Variants in PPP2R2B observed in about 807,000 individuals in gnomAD.
PPP2R2B encodes protein phosphatase 2 regulatory subunit Bbeta.
A neutral mutation model predicts 46.0 loss-of-function variants in PPP2R2B; 5 were observed. That is an observed-to-expected ratio of 0.11 (90% CI 0.06 to 0.23). The LOEUF (loss-of-function observed/expected upper bound fraction) is 0.23, where lower values mean the gene tolerates loss of function less well. Among genes scored for constraint, PPP2R2B ranks in the 10% least tolerant of loss-of-function variants. PPP2R2B has a pLI of 1.00. For missense variants in PPP2R2B, 367 were observed against 575.0 expected (o/e 0.64, Z 3.70); for synonymous variants, 215 against 206.7 (o/e 1.04, Z -0.34).
intron 1 of PPP2R2B, among the ~76,000 whole-genome samples, chr5:147,043,072 A>G (rs1756389444): frequency 6.6e-6 from 1 of 152,108 alleles, no homozygotes; most frequent in Non-Finnish European, 1.5e-5. Context: ...TTGTGGAACA[A>G]TGATTTGCAG....
At chr5:147,046,021 C>T (rs1043030821) in intron 1 of PPP2R2B, among the ~76,000 whole-genome samples, 11 of 152,094 alleles carry the variant, frequency 7.2e-5, no homozygotes, top group African/African-American at 2.4e-4. Context: ...ATGTCATATC[C>T]TCTCCACTGC....
intron 2 of PPP2R2B, among the ~76,000 whole-genome samples, chr5:146,842,717 C>G (rs1759739404): frequency 6.6e-6 from 1 of 152,102 alleles, no homozygotes; most frequent in South Asian, 2.1e-4. Flanking sequence ...ATTTAGCTCC[C>G]ACTTATAAGT....
chr5:147,054,934 A>G (rs867218080), intron 1 of PPP2R2B, among the ~76,000 whole-genome samples: 10 of 152,356 alleles, frequency 6.6e-5, no homozygotes, highest in African/African-American at 2.4e-4. Context: ...GAAATGTGGA[A>G]TTCTGCAGTG....
intron 2 of PPP2R2B, among the ~76,000 whole-genome samples, chr5:146,859,692 A>C (rs962673778): frequency 6.6e-6 from 1 of 152,242 alleles, no homozygotes; most frequent in African/African-American, 2.4e-5. Context: ...AAATAGCCTG[A>C]GAAACCTTTC....
In PPP2R2B at chr5:146,650,599, A is replaced by G; in HGVS notation, c.573T>C (p.Ala191=). The change falls in exon 6 of 10, where the codon GCT becomes GCC. Residue 191 remains alanine, a synonymous_variant. Transcript: ENST00000394411. ...TCCATAGGTTAATCCTCAGGTCATC[A>G]GCGGACATGTAGGTTTCATAGTCGC... The part of the protein sequence containing the change: ...VNSDYETYMS[A]DDLRINLWNF... The G allele has an allele frequency of 6.2e-7, 1 of 1,614,058 alleles. No homozygotes were observed. Among genetic ancestry groups the G allele is most frequent in the South Asian group, 1.1e-5 (1 of 91,072 alleles).
At chr5:146,842,544 GAAA>G in intron 2 of PPP2R2B, among the ~76,000 whole-genome samples, 1 of 138,504 alleles carries the variant, frequency 7.2e-6, no homozygotes, top group South Asian at 2.3e-4. Context: ...TTTTTACATA[GAAA>G]AACATGTGCC....
intron 2 of PPP2R2B, among the ~76,000 whole-genome samples, chr5:146,730,273 C>T (rs890989985): frequency 6.6e-6 from 1 of 152,170 alleles, no homozygotes; most frequent in Admixed American, 6.5e-5. Flanking sequence ...TTATCCAATA[C>T]CTGTACCCCC....
At chr5:146,972,897 C>T (rs1561549307) in intron 1 of PPP2R2B, among the ~76,000 whole-genome samples, 1 of 152,072 alleles carries the variant, frequency 6.6e-6, no homozygotes, top group Non-Finnish European at 1.5e-5. Flanking sequence ...TAAGCCTTTT[C>T]TCTGTAATGC....
intron 2 of PPP2R2B, among the ~76,000 whole-genome samples, chr5:146,797,289 T>C (rs1344810961): frequency 6.6e-6 from 1 of 152,206 alleles, no homozygotes; most frequent in African/African-American, 2.4e-5. Context: ...AAAAAATCCA[T>C]GCCACTATTG....
chr5:147,018,550 C>T (rs891132646), intron 1 of PPP2R2B, among the ~76,000 whole-genome samples: 2 of 152,164 alleles, frequency 1.3e-5, no homozygotes, highest in East Asian at 1.9e-4. Context: ...TTTCTAAGGT[C>T]CTTTCTGAAT....
At chr5:146,804,529 C>T (rs1582142561) in intron 2 of PPP2R2B, among the ~76,000 whole-genome samples, 1 of 152,260 alleles carries the variant, frequency 6.6e-6, no homozygotes, top group South Asian at 2.1e-4. Context: ...ACATAAACAC[C>T]TTGAGAGCCA....
At chr5:146,782,061 A>C (rs1755564246) in intron 2 of PPP2R2B, among the ~76,000 whole-genome samples, 1 of 151,914 alleles carries the variant, frequency 6.6e-6, no homozygotes, top group African/African-American at 2.4e-5. Context: ...CACCTCCCCC[A>C]CCCATGCTCC....
intron 2 of PPP2R2B, among the ~76,000 whole-genome samples, chr5:146,854,204 A>G (rs1007541099): frequency 6.6e-6 from 1 of 152,192 alleles, no homozygotes; most frequent in Non-Finnish European, 1.5e-5. Context: ...AATGGATTTT[A>G]GAAAATCAGA....
chr5:146,885,219 T>C (rs974794617), intron 1 of PPP2R2B, among the ~76,000 whole-genome samples: 15 of 152,334 alleles, frequency 9.8e-5, no homozygotes, highest in Non-Finnish European at 1.9e-4. Flanking sequence ...TCCATTTTAC[T>C]GAGGCTAATA....
chr5:146,829,492 C>G (rs554699398), intron 2 of PPP2R2B, among the ~76,000 whole-genome samples: 1 of 152,224 alleles, frequency 6.6e-6, no homozygotes, highest in African/African-American at 2.4e-5. Flanking sequence ...TCTTCTGAAG[C>G]CAAGCACAGC....
chr5:146,626,289 G>T (rs896492688), intron 7 of PPP2R2B, among the ~76,000 whole-genome samples: 1 of 152,166 alleles, frequency 6.6e-6, no homozygotes, highest in Non-Finnish European at 1.5e-5. Context: ...AAAACGGGCT[G>T]TTGGAAGATC....
At chr5:146,644,563 T>A (rs974097) in intron 6 of PPP2R2B, among the ~76,000 whole-genome samples, 2 of 152,048 alleles carry the variant, frequency 1.3e-5, no homozygotes, top group African/African-American at 4.8e-5. Flanking sequence ...GAACCTCATC[T>A]CGATGGGTAA....
At chr5:146,886,866 T>C (rs1032426029) in intron 1 of PPP2R2B, among the ~76,000 whole-genome samples, 3 of 151,764 alleles carry the variant, frequency 2.0e-5, no homozygotes, top group Non-Finnish European at 4.4e-5. Flanking sequence ...CATGAAATAC[T>C]TTATAGGATG....
chr5:146,930,037 T>A (rs1420977104), intron 1 of PPP2R2B, among the ~76,000 whole-genome samples: 4 of 152,214 alleles, frequency 2.6e-5, no homozygotes, highest in African/African-American at 9.6e-5. Flanking sequence ...ATTTATGTTC[T>A]GTAGGCAGAA....
Sources: allele counts gnomAD v4.1 joint callset (sites outside exome capture counted in the v4.1 genomes callset), GRCh38; gene constraint gnomAD v4.1.1; transcripts MANE v1.5; gene names NCBI Gene and HGNC (gene_info 2026-07-23, HGNC 2026-07-21).